The following PTPRJ variants were observed in gnomAD, a reference collection of about 807,000 sequenced individuals.
The protein encoded by PTPRJ is receptor-type tyrosine-protein phosphatase eta.
In PTPRJ, 129 loss-of-function variants were observed where a neutral mutation model predicts 141.3. The observed-to-expected ratio is 0.91, with a 90% CI of 0.79 to 1.06. The LOEUF (loss-of-function observed/expected upper bound fraction) is 1.06. Ranked by LOEUF, PTPRJ falls within the 50% of genes least tolerant of loss-of-function variation. PTPRJ has a pLI of 0.00. For synonymous variants in PTPRJ, 610 were observed against 640.5 expected, an observed-to-expected ratio of 0.95 and a Z score of 0.72; for missense variants, 1,601 against 1,679.7, an observed-to-expected ratio of 0.95 and a Z score of 0.82.
chr11:48,026,537 A>G (rs1853815120), intron 1 of PTPRJ, among the ~76,000 whole-genome samples: 1 of 150,436 alleles, frequency 6.6e-6, no homozygotes, highest in Non-Finnish European at 1.5e-5. Context: ...GCTGGAGTGC[A>G]ATGGTGCGAT....
At chr11:48,010,226 G>A (rs915367346) in intron 1 of PTPRJ, among the ~76,000 whole-genome samples, 3 of 152,060 alleles carry the variant, frequency 2.0e-5, no homozygotes, top group African/African-American at 7.2e-5. Context: ...CGCCCAGGCT[G>A]GAGTAGAGTG....
At chr11:48,098,932 A>G (rs1856085050) in intron 1 of PTPRJ, among the ~76,000 whole-genome samples, 1 of 152,230 alleles carries the variant, frequency 6.6e-6, no homozygotes, top group African/African-American at 2.4e-5. Flanking sequence ...AATTGGGTTG[A>G]TTGAAATCTA....
At chr11:48,098,169 G>A (rs1362538241) in intron 1 of PTPRJ, among the ~76,000 whole-genome samples, 1 of 152,200 alleles carries the variant, frequency 6.6e-6, no homozygotes, top group African/African-American at 2.4e-5. Flanking sequence ...ACCCACAAGA[G>A]GCCAGGCCAG....
chr11:48,056,953 T>TCAAAACAAAA (rs761735478), intron 1 of PTPRJ, among the ~76,000 whole-genome samples: 1 of 152,132 alleles, frequency 6.6e-6, no homozygotes, highest in South Asian at 2.1e-4. Flanking sequence ...AAACTCTGTC[T>TCAAAACAAAA]CAAAACAAAA....
chr11:48,069,892 G>A (rs944708148), intron 1 of PTPRJ, among the ~76,000 whole-genome samples: 2 of 152,146 alleles, frequency 1.3e-5, no homozygotes, highest in Non-Finnish European at 2.9e-5. Flanking sequence ...AGCTAATGTC[G>A]TGGACTTGCA....
intron 1 of PTPRJ, among the ~76,000 whole-genome samples, chr11:48,056,046 G>A (rs1854744637): frequency 6.6e-6 from 1 of 152,184 alleles, no homozygotes; most frequent in Admixed American, 6.5e-5. Context: ...TCAGGTTGTG[G>A]TGCGTGTAGG....
chr11:48,127,021 G>T (rs1456836133), intron 6 of PTPRJ, among the ~76,000 whole-genome samples: 1 of 152,198 alleles, frequency 6.6e-6, no homozygotes, highest in Non-Finnish European at 1.5e-5. Context: ...GGTGGACACA[G>T]CTGTGTCAGG....
intron 1 of PTPRJ, among the ~76,000 whole-genome samples, chr11:48,026,604 C>G (rs1270466350): frequency 1.3e-5 from 2 of 152,106 alleles, no homozygotes; most frequent in Non-Finnish European, 2.9e-5. Flanking sequence ...CGCCCGCCAC[C>G]ATGCCCAGCT....
At chr11:48,090,657 G>T (rs949719866) in intron 1 of PTPRJ, among the ~76,000 whole-genome samples, 1 of 152,148 alleles carries the variant, frequency 6.6e-6, no homozygotes, top group Admixed American at 6.6e-5. Flanking sequence ...TGTTTGAAAC[G>T]GTCAGAATGT....
chr11:48,048,871 T>G (rs1854477521), intron 1 of PTPRJ, among the ~76,000 whole-genome samples: 2 of 152,190 alleles, frequency 1.3e-5, no homozygotes, highest in African/African-American at 4.8e-5. Flanking sequence ...TTCACAGTCT[T>G]GGAAGGCAGA....
intron 1 of PTPRJ, among the ~76,000 whole-genome samples, chr11:48,018,301 C>CT (rs1367393134): frequency 2.0e-5 from 3 of 151,414 alleles, no homozygotes; most frequent in African/African-American, 7.3e-5. Flanking sequence ...TTTGCAAAGC[C>CT]TTAGCACAGT....
Position 48,142,911 on chromosome 11 carries a change from T to G in PTPRJ, c.2444-8T>G. The G allele has an allele frequency of 6.2e-7, 1 of 1,611,918 alleles. No homozygotes were observed. Among genetic ancestry groups the G allele is most frequent in the Non-Finnish European group, 8.5e-7 (1 of 1,178,896 alleles). On this transcript the variant is annotated splice_region_variant and splice_polypyrimidine_tract_variant and intron_variant, in intron 11 of 24. Coordinates refer to ENST00000418331, the MANE Select transcript of PTPRJ (RefSeq NM_002843.4). Reference sequence around the variant, plus strand: ...TGGGTGATCATGTTTTGTTTTGTTTTGTTTTAGATCCCCCTCCTCCAGATG... The same window carrying G: ...TGGGTGATCATGTTTTGTTTTGTTTGGTTTTAGATCCCCCTCCTCCAGATG...
rs559753032 is a variant in PTPRJ at position 48,139,514 on chromosome 11, C to T, written c.2181C>T (p.Cys727=). 1.0e-4 allele frequency: 161 copies of T among 1,614,136 alleles called. 6 individuals carry two copies. In the South Asian group the frequency reaches 1.4e-3, roughly 14 times the overall value. Reference sequence around the variant, plus strand: ...CTGCGTCCATGGCCTCCTTCGACTGCGAAGTGGTCCCCAAAGAGCCAGCCC... The same window carrying T: ...CTGCGTCCATGGCCTCCTTCGACTGTGAAGTGGTCCCCAAAGAGCCAGCCC... ...TDPASMASFD[C]EVVPKEPALV... The change falls in exon 11 of 25, where the codon TGC becomes TGT. Residue 727 remains cysteine, a synonymous_variant. Transcript: ENST00000418331.
chr11:48,160,368 C>T (rs1009248975), intron 22 of PTPRJ, among the ~76,000 whole-genome samples: 7 of 152,204 alleles, frequency 4.6e-5, no homozygotes, highest in African/African-American at 7.2e-5. Flanking sequence ...ACAGAACAAA[C>T]TGTAGCCTTT....
At position 48,146,901 on chromosome 11, in the gene PTPRJ, C is replaced by T; in HGVS notation, c.2937C>T (p.Gly979=). The part of the protein sequence containing the change: ...DPGVICGAVF[G]CIFGALVIVT... ...GTGTCATCTGTGGAGCGGTTTTTGG[C>T]TGTATCTTTGGTGCCCTGGTTATTG... is the stretch of plus-strand genomic sequence containing the variant. Residue 979 remains glycine (G), a synonymous_variant, in exon 15 of 25, where the codon GGC becomes GGT. Transcript: ENST00000418331. 6.2e-7 allele frequency: 1 copy of T among 1,614,060 alleles called. No individual in the cohort carries two copies.
intron 1 of PTPRJ, among the ~76,000 whole-genome samples, chr11:48,060,915 G>T (rs1854904442): frequency 6.6e-6 from 1 of 152,198 alleles, no homozygotes; most frequent in African/African-American, 2.4e-5. Context: ...GCTCTTGTGT[G>T]CAGTGTGCTG....
chr11:48,081,395 T>G (rs921711059), intron 1 of PTPRJ, among the ~76,000 whole-genome samples: 1 of 152,102 alleles, frequency 6.6e-6, no homozygotes, highest in African/African-American at 2.4e-5. Flanking sequence ...TTTTAAAACC[T>G]TGGTGGAAAC....
chr11:47,988,917 T>C (rs1854120434), intron 1 of PTPRJ, among the ~76,000 whole-genome samples: 1 of 140,342 alleles, frequency 7.1e-6, no homozygotes, highest in African/African-American at 2.8e-5. Flanking sequence ...AGACGGAGTC[T>C]TGCTCTGTTG....
At chr11:48,162,815 C>A (rs1451415496) in intron 22 of PTPRJ, among the ~76,000 whole-genome samples, 1 of 152,136 alleles carries the variant, frequency 6.6e-6, no homozygotes, top group Non-Finnish European at 1.5e-5. Context: ...GGTAGGGAAC[C>A]AGTCTGTGTA....
Sources: gnomAD v4.1 joint callset for allele counts (sites outside exome capture counted in the v4.1 genomes callset) on GRCh38, gnomAD v4.1.1 for gene constraint, MANE v1.5 for transcripts, NCBI Gene and HGNC (gene_info 2026-07-23, HGNC 2026-07-21) for gene names.